Variants in CLTCL1 observed in about 807,000 individuals in gnomAD.
CLTCL1 encodes the protein clathrin heavy chain 2.
In CLTCL1, 159 loss-of-function variants were observed where a neutral mutation model predicts 190.0. The observed-to-expected ratio is 0.84, with a 90% CI of 0.74 to 0.95. The LOEUF (loss-of-function observed/expected upper bound fraction) is 0.95. Ranked by LOEUF, CLTCL1 falls within the 40% of genes least tolerant of loss-of-function variation. CLTCL1 has a pLI of 0.00. For synonymous variants in CLTCL1, 752 were observed against 769.6 expected, an observed-to-expected ratio of 0.98 and a Z score of 0.38; for missense variants, 1,878 against 2,033.4, an observed-to-expected ratio of 0.92 and a Z score of 1.47.
At position 19,192,739 on chromosome 22, in the gene CLTCL1, A is replaced by G. The variant is rs145564529; in HGVS notation, c.4192-1304T>C. ...GCTAGAGCACTCACTGTCACCAGAG[A>G]TTCTGACCCAGACAGGCAGCAGGGT... On this transcript the variant is annotated intron_variant, in intron 26 of 32. Transcript: ENST00000427926. 7.4e-3 allele frequency among the ~76,000 whole-genome samples: 1,123 copies of G among 152,310 alleles called. 9 individuals carry two copies. Among genetic ancestry groups the G allele is most frequent in the Middle Eastern group, 0.031 (9 of 294 alleles).
intron 20 of CLTCL1, chr22:19,209,380 C>A (rs1010721909): frequency 1.4e-5 from 5 of 354,580 alleles, no homozygotes; most frequent in African/African-American, 8.3e-5. Flanking sequence ...GCTTTCTGGG[C>A]CGGGGGTAGG....
At chr22:19,256,611 G>C (rs1026330106) in intron 2 of CLTCL1, among the ~76,000 whole-genome samples, 2 of 151,654 alleles carry the variant, frequency 1.3e-5, no homozygotes, top group Non-Finnish European at 2.9e-5. Flanking sequence ...GCCTGCCTCA[G>C]CCTCCCAAAG....
chr22:19,214,500 C>A, intron 19 of CLTCL1, among the ~76,000 whole-genome samples: 1 of 151,994 alleles, frequency 6.6e-6, no homozygotes, highest in Non-Finnish European at 1.5e-5. Flanking sequence ...AAATATCTTC[C>A]CCGCATTTGT....
chr22:19,252,928 G>T (rs1601653096), intron 3 of CLTCL1, among the ~76,000 whole-genome samples: 1 of 151,516 alleles, frequency 6.6e-6, no homozygotes, highest in East Asian at 1.9e-4. Flanking sequence ...GCAGGAGAAT[G>T]GCATGAACCC....
intron 11 of CLTCL1, 22 bp downstream of exon 11, chr22:19,229,816 T>C: frequency 1.3e-6 from 2 of 1,587,668 alleles, no homozygotes; most frequent in Non-Finnish European, 8.5e-7. Flanking sequence ...TGCCTCTCGG[T>C]GTTAGCCTAC....
rs2084205456 is a variant in CLTCL1 at position 19,183,400 on chromosome 22, T to C, written c.4817A>G (p.Tyr1606Cys). The C allele has an allele frequency of 1.2e-6, 2 of 1,613,034 alleles. No individual in the cohort carries two copies. Among genetic ancestry groups the C allele is most frequent in the Non-Finnish European group, 1.7e-6 (2 of 1,179,776 alleles). Residue 1606 changes from tyrosine to cysteine, a missense_variant, in exon 30 of 33, where the codon TAC (tyrosine) becomes TGC (cysteine). Tyr to Cys is a radical substitution (Grantham distance 194). Transcript: ENST00000427926. ...MPYFIQVMREYLSKVDKLDAL... is the reference protein window; with the variant it reads ...MPYFIQVMRECLSKVDKLDAL... Reference sequence around the variant, plus strand: ...CGGCCCGGCACCTACCTTGCTCAGGTACTCCCTCATCACCTGGATGAAGTA... The same window carrying C: ...CGGCCCGGCACCTACCTTGCTCAGGCACTCCCTCATCACCTGGATGAAGTA...
intron 2 of CLTCL1, among the ~76,000 whole-genome samples, chr22:19,254,464 T>C (rs1469351408): frequency 1.3e-5 from 2 of 152,222 alleles, no homozygotes; most frequent in African/African-American, 2.4e-5. Context: ...TATGTAACTA[T>C]TCATAGAAAT....
chr22:19,224,960 G>A (rs1555954912), intron 13 of CLTCL1, among the ~76,000 whole-genome samples: 4 of 152,032 alleles, frequency 2.6e-5, no homozygotes. Context: ...ACACTTTTTT[G>A]GTGTGATGTC....
chr22:19,199,756 T>C lies in CLTCL1; in HGVS notation c.3851A>G (p.Glu1284Gly). ...CACCTGGTAATAGCACATCAGCTCC[T>C]CCAGCTCATCTGCATGAATGACGAT... is the stretch of plus-strand genomic sequence containing the variant. ...LHIVIHADEL[E>G]ELMCYYQDRG... is the part of the protein sequence containing the mutation. The change falls in exon 24 of 33, where the codon GAG (glutamate) becomes GGG (glycine). Residue 1284 changes from glutamate to glycine, a missense_variant. Physicochemically the swap from Glu to Gly is moderately conservative, Grantham distance 98. Coordinates refer to ENST00000427926, the MANE Select transcript of CLTCL1 (RefSeq NM_007098.4). 1.9e-6 allele frequency: 3 copies of C among 1,591,270 alleles called. No homozygotes were observed. Among genetic ancestry groups the C allele is most frequent in the Non-Finnish European group, 2.6e-6 (3 of 1,169,016 alleles).
chr22:19,268,150 T>C (rs1474430330), intron 2 of CLTCL1, among the ~76,000 whole-genome samples: 1 of 152,150 alleles, frequency 6.6e-6, no homozygotes, highest in African/African-American at 2.4e-5. Flanking sequence ...ACAAAAGAGC[T>C]TGATGGAGGG....
rs140107056 is a variant in CLTCL1 at position 19,263,071 on chromosome 22, G to A, written c.251-8844C>T. The stretch of plus-strand genomic sequence containing the variant: ...AAAAGATTACAACTCACTGAAGGCT[G>A]ATAATGGTAAGCAATTTTTAGGAAT... On this transcript the variant is annotated intron_variant, in intron 2 of 32. Transcript: ENST00000427926. 9.5e-3 allele frequency among the ~76,000 whole-genome samples: 1,426 copies of A among 150,700 alleles called. 36 individuals carry two copies. Among genetic ancestry groups the A allele is most frequent in the East Asian group, 0.069 (354 of 5,142 alleles).
At chr22:19,202,573 ATCATCCATGGCACCTCCCCTCCTTCCG>A (rs1286484605) in intron 22 of CLTCL1, among the ~76,000 whole-genome samples, 3 of 50,476 alleles carry the variant, frequency 5.9e-5, no homozygotes, top group African/African-American at 8.8e-5. Flanking sequence ...CCCTCCTTCC[ATCATCCATGGCACCTCCCCTCCTTCCG>A]TCATCCATGG....
At chr22:19,210,285 A>C (rs1601526874) in intron 20 of CLTCL1, 41 bp downstream of exon 20, 1 of 1,592,226 alleles carries the variant, frequency 6.3e-7, no homozygotes, top group East Asian at 2.2e-5. Flanking sequence ...ATGATGTGGC[A>C]GAAGGTGCTA....
chr22:19,258,556 C>T (rs1333825080), intron 2 of CLTCL1: 11 of 586,122 alleles, frequency 1.9e-5, no homozygotes, highest in Non-Finnish European at 3.2e-5. Flanking sequence ...TACCTGGAGT[C>T]GGAGCTGGCA....
intron 10 of CLTCL1, 32 bp from the exon 11 acceptor site, chr22:19,230,007 GTA>G (rs1442224563): frequency 1.9e-6 from 3 of 1,550,696 alleles, no homozygotes; most frequent in African/African-American, 1.4e-5. Flanking sequence ...TTTTCACTCA[GTA>G]TGTTTTCATT....
intron 21 of CLTCL1, 104 bp downstream of exon 21, chr22:19,208,818 G>C: frequency 1.1e-6 from 1 of 942,362 alleles, no homozygotes; most frequent in Non-Finnish European, 1.6e-6. Context: ...GATATCTCTG[G>C]ATACATCATA....
chr22:19,279,789 C>A (rs964951286), intron 1 of CLTCL1, among the ~76,000 whole-genome samples: 7 of 152,192 alleles, frequency 4.6e-5, no homozygotes, highest in Non-Finnish European at 1.5e-5. Flanking sequence ...TCTCTTGTTT[C>A]TTCTCAGAGT....
chr22:19,196,144 G>T, intron 26 of CLTCL1, 122 bp downstream of exon 26: 2 of 974,832 alleles, frequency 2.1e-6, no homozygotes, highest in East Asian at 2.6e-5. Flanking sequence ...TCATACAAGT[G>T]AACGCACACA....
At chr22:19,285,326 G>A (rs2087869950) in intron 1 of CLTCL1, among the ~76,000 whole-genome samples, 2 of 152,020 alleles carry the variant, frequency 1.3e-5, no homozygotes, top group Non-Finnish European at 2.9e-5. Flanking sequence ...GCCTTTCCTA[G>A]CCTAAAGAGG....
Sources: gnomAD v4.1 joint callset for allele counts (sites outside exome capture counted in the v4.1 genomes callset) on GRCh38, gnomAD v4.1.1 for gene constraint, MANE v1.5 for transcripts, NCBI Gene and HGNC (gene_info 2026-07-23, HGNC 2026-07-21) for gene names.